ADAMTSL1: variants seen among roughly 807,000 people sequenced by gnomAD.
The protein encoded by ADAMTSL1 is ADAMTS-like protein 1.
In ADAMTSL1, 126 loss-of-function variants were observed where a neutral mutation model predicts 201.8. The ratio of observed to expected loss-of-function variants is 0.62; its 90% CI spans 0.54 to 0.72. ADAMTSL1 has a LOEUF of 0.72. Ranked by LOEUF, ADAMTSL1 falls within the 30% of genes least tolerant of loss-of-function variation. ADAMTSL1 has a pLI of 0.00. For missense variants in ADAMTSL1, 2,679 were observed against 2,277.8 expected (o/e 1.18, Z -3.59); for synonymous variants, 1,121 against 903.4 (o/e 1.24, Z -4.32).
chr9:18,280,936 C>A (rs1378032580), intron 2 of ADAMTSL1, among the ~76,000 whole-genome samples: 1 of 145,912 alleles, frequency 6.9e-6, no homozygotes, highest in Non-Finnish European at 1.5e-5. Context: ...AGTGCGGTGG[C>A]ATGATCATAG....
intron 1 of ADAMTSL1, among the ~76,000 whole-genome samples, chr9:17,968,067 T>C (rs946983313): frequency 2.6e-5 from 4 of 152,100 alleles, no homozygotes; most frequent in Non-Finnish European, 4.4e-5. Context: ...AATGTAGCTT[T>C]AGTTGTTCGA....
At chr9:18,165,562 G>A (rs750222762) in intron 2 of ADAMTSL1, among the ~76,000 whole-genome samples, 3 of 151,706 alleles carry the variant, frequency 2.0e-5, no homozygotes, top group Non-Finnish European at 4.4e-5. Flanking sequence ...GTTATAATTA[G>A]CTTACTCATA....
chr9:18,790,099 A>C (rs1226358967), intron 19 of ADAMTSL1, among the ~76,000 whole-genome samples: 2 of 152,244 alleles, frequency 1.3e-5, no homozygotes, highest in Non-Finnish European at 2.9e-5. Flanking sequence ...ACCATCAAAA[A>C]AAAATCATTT....
At chr9:18,576,839 A>G (rs947425176) in intron 4 of ADAMTSL1, among the ~76,000 whole-genome samples, 2 of 151,796 alleles carry the variant, frequency 1.3e-5, no homozygotes, top group South Asian at 4.2e-4. Context: ...TTTTTTTCAA[A>G]TATTTACAGT....
intron 2 of ADAMTSL1, among the ~76,000 whole-genome samples, chr9:18,322,402 G>GT (rs1333347123): frequency 6.6e-6 from 1 of 152,172 alleles, no homozygotes; most frequent in Non-Finnish European, 1.5e-5. Flanking sequence ...GGAGGCCGAG[G>GT]TGGGTGGCTC....
intron 1 of ADAMTSL1, among the ~76,000 whole-genome samples, chr9:17,930,374 G>A (rs1826730106): frequency 6.6e-6 from 1 of 152,052 alleles, no homozygotes; most frequent in Non-Finnish European, 1.5e-5. Flanking sequence ...TCCTGGGAGT[G>A]GAATGCATCA....
intron 1 of ADAMTSL1, among the ~76,000 whole-genome samples, chr9:17,958,314 A>G (rs1402751246): frequency 6.6e-6 from 1 of 152,162 alleles, no homozygotes; most frequent in Non-Finnish European, 1.5e-5. Flanking sequence ...GTGTCTTTCC[A>G]CTAGACACTG....
intron 2 of ADAMTSL1, among the ~76,000 whole-genome samples, chr9:18,346,337 C>A (rs1835714193): frequency 6.6e-6 from 1 of 152,204 alleles, no homozygotes; most frequent in South Asian, 2.1e-4. Flanking sequence ...CAGTGCCTTT[C>A]TCAGAGCAGG....
chr9:18,522,563 T>A (rs1434606435), intron 2 of ADAMTSL1, among the ~76,000 whole-genome samples: 2 of 151,836 alleles, frequency 1.3e-5, no homozygotes, highest in East Asian at 1.9e-4. Context: ...TTACATTAAG[T>A]ATATCCCCTA....
At chr9:18,392,484 G>A (rs578000099) in intron 2 of ADAMTSL1, among the ~76,000 whole-genome samples, 16 of 152,262 alleles carry the variant, frequency 1.1e-4, no homozygotes, top group African/African-American at 1.7e-4. Flanking sequence ...TTGGCCTGGC[G>A]TGCTCTGCAA....
intron 2 of ADAMTSL1, among the ~76,000 whole-genome samples, chr9:18,454,884 T>A (rs1221600884): frequency 6.6e-6 from 1 of 152,194 alleles, no homozygotes; most frequent in Non-Finnish European, 1.5e-5. Context: ...ACAAGTGAGT[T>A]TTTAGGCTTC....
chr9:18,317,209 A>T (rs1834436352), intron 2 of ADAMTSL1, among the ~76,000 whole-genome samples: 1 of 152,094 alleles, frequency 6.6e-6, no homozygotes, highest in South Asian at 2.1e-4. Context: ...GCAGAGAGTA[A>T]AACAGTGATT....
chr9:18,874,982 G>A (rs1405387890), intron 23 of ADAMTSL1, among the ~76,000 whole-genome samples: 1 of 151,802 alleles, frequency 6.6e-6, no homozygotes, highest in Non-Finnish European at 1.5e-5. Context: ...TTTTTTCCTG[G>A]TTTAATCTAG....
intron 23 of ADAMTSL1, among the ~76,000 whole-genome samples, chr9:18,865,676 T>TC (rs1827485137): frequency 6.6e-6 from 1 of 152,170 alleles, no homozygotes; most frequent in Admixed American, 6.5e-5. Flanking sequence ...TTGGCTCAGT[T>TC]TAGAACCACT....
intron 9 of ADAMTSL1, among the ~76,000 whole-genome samples, chr9:18,675,051 T>C (rs1434711126): frequency 2.6e-5 from 4 of 152,172 alleles, no homozygotes; most frequent in Non-Finnish European, 5.9e-5. Flanking sequence ...CAGCCTATGA[T>C]ATATCTTGTG....
intron 20 of ADAMTSL1, chr9:18,796,541 G>A (rs907640874): frequency 6.6e-6 from 1 of 152,176 alleles, no homozygotes; most frequent in African/African-American, 2.4e-5. Flanking sequence ...TTGTCATACT[G>A]TACTCCAGTC....
intron 2 of ADAMTSL1, among the ~76,000 whole-genome samples, chr9:18,175,824 T>TTTCCA (rs2132146913): frequency 6.6e-6 from 1 of 152,064 alleles, no homozygotes; most frequent in African/African-American, 2.4e-5. Flanking sequence ...TCAGGCTGCC[T>TTTCCA]GGAAGACTCT....
chr9:18,734,232 G>T (rs1048898037), intron 15 of ADAMTSL1, among the ~76,000 whole-genome samples: 1 of 152,118 alleles, frequency 6.6e-6, no homozygotes, highest in Admixed American at 6.5e-5. Flanking sequence ...ATTAGTTTTG[G>T]GTTTTGTAGG....
At chr9:18,153,526 G>A (rs1045220033) in intron 1 of ADAMTSL1, among the ~76,000 whole-genome samples, 2 of 152,032 alleles carry the variant, frequency 1.3e-5, no homozygotes, top group African/African-American at 4.8e-5. Flanking sequence ...GTCCTAATCT[G>A]TGGAGCTTAA....
Sources: allele counts gnomAD v4.1 joint callset (sites outside exome capture counted in the v4.1 genomes callset), GRCh38; gene constraint gnomAD v4.1.1; transcripts MANE v1.5; gene names NCBI Gene and HGNC (gene_info 2026-07-23, HGNC 2026-07-21).